Variants in FANCM observed in about 807,000 individuals in gnomAD.
FANCM encodes Fanconi anemia group M protein.
In FANCM, 140 loss-of-function variants were observed where a neutral mutation model predicts 199.5. The ratio of observed to expected loss-of-function variants is 0.70; its 90% CI spans 0.61 to 0.81. FANCM has a LOEUF of 0.81. Ranked by LOEUF, FANCM falls within the 30% of genes least tolerant of loss-of-function variation. The pLI is 0.00. For synonymous variants in FANCM, 840 were observed against 836.8 expected (o/e 1.00, Z -0.07); for missense variants, 2,410 against 2,421.4 (o/e 1.00, Z 0.10).
rs776752802 is a variant in FANCM at position 45,164,548 on chromosome 14, G to A, written c.1771G>A (p.Glu591Lys). 4.3e-6 allele frequency: 7 copies of A among 1,612,264 alleles called. No homozygotes were observed. The Admixed American group carries it at 1.0e-4, about 23-fold the overall frequency. The change falls in exon 10 of 23, where the codon GAA becomes AAA. Residue 591 changes from glutamate to lysine, a missense_variant. Physicochemically the swap from Glu to Lys is moderately conservative, Grantham distance 56. Transcript: ENST00000267430. Reference protein sequence around the residue: ...RQGRIVIILSEGREERIYNQS... With the variant: ...RQGRIVIILSKGREERIYNQS... ...AGGCAGGATAGTTATTATCCTTTCT[G>A]AAGGACGAGAGGAACGTGTAAGTAG... is the stretch of plus-strand genomic sequence containing the variant.
chr14:45,154,270 G>C (rs1050583328), intron 6 of FANCM, among the ~76,000 whole-genome samples: 37 of 152,000 alleles, frequency 2.4e-4, no homozygotes, highest in African/African-American at 8.9e-4. Flanking sequence ...GTATGATGGT[G>C]CACGCCTGTA....
chr14:45,137,939 A>G (rs938406050), intron 2 of FANCM: 8 of 151,848 alleles, frequency 5.3e-5, no homozygotes, highest in African/African-American at 2.0e-4. Context: ...TAGAGAGAAG[A>G]AGGCTAAAGA....
intron 8 of FANCM, among the ~76,000 whole-genome samples, chr14:45,155,779 A>G (rs1001133683): frequency 6.6e-6 from 1 of 152,254 alleles, no homozygotes; most frequent in Non-Finnish European, 1.5e-5. Flanking sequence ...AGCCTGGGCT[A>G]TAAGAGCAAA....
Position 45,175,746 on chromosome 14 carries a change from C to T in FANCM, c.2992C>T (p.Pro998Ser), listed in dbSNP as rs2139245214. 6.2e-7 allele frequency: 1 copy of T among 1,613,660 alleles called. No homozygotes were observed. Among genetic ancestry groups the T allele is most frequent in the Non-Finnish European group, 8.5e-7 (1 of 1,179,794 alleles). ...TGTAGAGAGATTTTTATCTTATTCTCCTCCGCCTCTCAGTGGACTCTCAGA... is the reference window on the plus strand; with the variant it reads ...TGTAGAGAGATTTTTATCTTATTCTTCTCCGCCTCTCAGTGGACTCTCAGA... ...ANVERFLSYS[P>S]PPLSGLSDLE... The change falls in exon 14 of 23, where the codon CCT becomes TCT. Residue 998 changes from proline (P) to serine (S), a missense_variant. Pro to Ser is a moderately conservative substitution (Grantham distance 74). Coordinates refer to ENST00000267430, the MANE Select transcript of FANCM (RefSeq NM_020937.4).
intron 2 of FANCM, 22 bp downstream of exon 2, chr14:45,137,263 AT>A: frequency 1.2e-6 from 2 of 1,601,286 alleles, no homozygotes; most frequent in South Asian, 2.2e-5. Context: ...GTTAAACGGT[AT>A]TTTGTATTGT....
chr14:45,140,576 A>AC, intron 2 of FANCM, 56 bp from the exon 3 acceptor site: 2 of 909,088 alleles, frequency 2.2e-6, no homozygotes, highest in East Asian at 4.8e-5. Context: ...GTTTAACAGA[A>AC]CCACTGTTAT....
At chr14:45,172,660 GTTTA>G (rs1888415957) in intron 12 of FANCM, among the ~76,000 whole-genome samples, 1 of 152,062 alleles carries the variant, frequency 6.6e-6, no homozygotes, top group Admixed American at 6.6e-5. Flanking sequence ...TGATGTTATT[GTTTA>G]TTTTGTTTAT....
chr14:45,154,655 TTTA>T (rs750937853), intron 6 of FANCM, 39 bp from the exon 7 acceptor site: 3 of 1,259,428 alleles, frequency 2.4e-6, no homozygotes, highest in East Asian at 2.5e-5. Context: ...TTTTATCAGT[TTTA>T]TTATTATTTA....
intron 12 of FANCM, among the ~76,000 whole-genome samples, chr14:45,171,892 A>G (rs1294325141): frequency 6.6e-6 from 1 of 152,116 alleles, no homozygotes; most frequent in African/African-American, 2.4e-5. Context: ...GGACTGCTGG[A>G]TCAAATGGTA....
intron 9 of FANCM, among the ~76,000 whole-genome samples, chr14:45,162,533 A>G (rs1241615316): frequency 1.3e-5 from 2 of 152,338 alleles, no homozygotes; most frequent in East Asian, 3.9e-4. Context: ...TACTCTGTCA[A>G]GTGTCTAAAC....
chr14:45,192,651 A>G (rs535563226), intron 20 of FANCM, among the ~76,000 whole-genome samples: 3 of 152,212 alleles, frequency 2.0e-5, no homozygotes, highest in Admixed American at 6.5e-5. Context: ...TCAAAAAAAA[A>G]GAAAAACCAA....
rs201216865 is a variant in FANCM, at chr14:45,170,632, A to G, written c.2046A>G (p.Glu682=). 232 of 1,601,592 alleles carry G rather than the reference A, an allele frequency of 1.4e-4. No individual in the cohort carries two copies. Among genetic ancestry groups the G allele is most frequent in the Non-Finnish European group, 1.9e-4 (221 of 1,168,910 alleles). ...TAAAGAAAGATTGGTTCTTATCAGA[A>G]GAAGAATTTAAATTATGGAACAGAC... ...SSLKKDWFLS[E]EEFKLWNRLY... The change falls in exon 12 of 23, where the codon GAA becomes GAG. Residue 682 remains glutamate, a synonymous_variant. Coordinates refer to ENST00000267430, the MANE Select transcript of FANCM (RefSeq NM_020937.4).
At chr14:45,189,853 A>G (rs1003408984) in intron 20 of FANCM, among the ~76,000 whole-genome samples, 1 of 151,408 alleles carries the variant, frequency 6.6e-6, no homozygotes, top group Non-Finnish European at 1.5e-5. Flanking sequence ...CTGTAGTCCC[A>G]CCTACTTGGG....
Position 45,196,410 on chromosome 14 carries a change from G to C in FANCM, c.5579G>C (p.Arg1860Pro). 1 of 1,614,034 alleles carries C rather than the reference G, an allele frequency of 6.2e-7. No individual in the cohort carries two copies. Among genetic ancestry groups the C allele is most frequent in the African/African-American group, 1.3e-5 (1 of 75,022 alleles). ...GGCTGTGATTACATCGTGAGTAATC[G>C]CATGGTGGTGGAAAGGAGGTCTCAA... Reference protein sequence around the residue: ...LNGCDYIVSNRMVVERRSQSE... With the variant: ...LNGCDYIVSNPMVVERRSQSE... The change falls in exon 21 of 23, where the codon CGC becomes CCC. Residue 1860 changes from arginine to proline, a missense_variant. Coordinates refer to ENST00000267430, the MANE Select transcript of FANCM (RefSeq NM_020937.4).
chr14:45,174,158 AG>A (rs139163989), intron 13 of FANCM, among the ~76,000 whole-genome samples: 12,899 of 152,198 alleles, frequency 0.085, 710 homozygotes, highest in South Asian at 0.18. Flanking sequence ...AGGCCGAAGC[AG>A]GCAGATCACT....
rs1364976710 is a variant in FANCM at position 45,183,803 on chromosome 14, G to A, written c.4416G>A (p.Glu1472=). Residue 1472 remains glutamate (E), a synonymous_variant, in exon 17 of 23, where the codon GAG becomes GAA. Coordinates refer to ENST00000267430, the MANE Select transcript of FANCM (RefSeq NM_020937.4). ...RSELSSSDES[E]NFPKPCSQLE... Reference sequence around the variant, plus strand: ...AATTATCATCTAGTGATGAGAGTGAGAATTTTCCCAAACCATGTTCACAAT... The same window carrying A: ...AATTATCATCTAGTGATGAGAGTGAAAATTTTCCCAAACCATGTTCACAAT... 1 of 1,609,552 alleles carries A rather than the reference G, an allele frequency of 6.2e-7. No homozygotes were observed. Among genetic ancestry groups the A allele is most frequent in the South Asian group, 1.1e-5 (1 of 90,958 alleles).
At chr14:45,145,335 G>T (rs1480934874) in intron 3 of FANCM, among the ~76,000 whole-genome samples, 1 of 151,936 alleles carries the variant, frequency 6.6e-6, no homozygotes, top group Non-Finnish European at 1.5e-5. Context: ...GTCCCACCTG[G>T]TGTCTCACTA....
At chr14:45,177,004 A>G in intron 14 of FANCM, 28 bp downstream of exon 14, 3 of 1,373,264 alleles carry the variant, frequency 2.2e-6, no homozygotes, top group Non-Finnish European at 2.1e-6. Flanking sequence ...TAAAGTCTAT[A>G]ACTCTTTCTA....
chr14:45,180,955 A>G (rs17115866), intron 14 of FANCM: 4,523 of 172,360 alleles, frequency 0.026, 233 homozygotes, highest in African/African-American at 0.1. Flanking sequence ...TTTTTATTTC[A>G]TGTACACAAA....
Sources: allele counts gnomAD v4.1 joint callset (sites outside exome capture counted in the v4.1 genomes callset), GRCh38; gene constraint gnomAD v4.1.1; transcripts MANE v1.5; gene names NCBI Gene and HGNC (gene_info 2026-07-23, HGNC 2026-07-21).